PPP2R2C: variants seen among roughly 807,000 people sequenced by gnomAD.
The protein encoded by PPP2R2C is protein phosphatase 2 regulatory subunit Bgamma, also known as protein phosphatase 2, regulatory subunit B, gamma.
PPP2R2C carries 10 observed loss-of-function variants against 45.3 expected under a neutral mutation model. The ratio of observed to expected loss-of-function variants is 0.22; its 90% CI spans 0.14 to 0.37. The LOEUF (loss-of-function observed/expected upper bound fraction) is 0.37, where lower values mean the gene tolerates loss of function less well. PPP2R2C is among the 10% of genes least tolerant of loss of function. The probability of loss-of-function intolerance (pLI) is 1.00; values close to 1 mark genes in which losing one functional copy is unlikely to be tolerated. For synonymous variants in PPP2R2C, 257 were observed against 245.4 expected, an observed-to-expected ratio of 1.05 and a Z score of -0.44; for missense variants, 308 against 619.7, an observed-to-expected ratio of 0.50 and a Z score of 5.34.
Position 6,472,434 on chromosome 4 carries a change from G to C in PPP2R2C, c.-205C>G, listed in dbSNP as rs1721957738. ...GCGGTCAAGCGAGCGCGCGGTGGGCGGGCGGCGGCCGCGGGTTCGGGCGGG... is the reference window on the plus strand; with the variant it reads ...GCGGTCAAGCGAGCGCGCGGTGGGCCGGCGGCGGCCGCGGGTTCGGGCGGG... On this transcript the variant is annotated 5_prime_UTR_variant, in exon 1 of 9. Coordinates refer to ENST00000382599, the MANE Select transcript of PPP2R2C (RefSeq NM_020416.4). 2 of 582,656 alleles carry C rather than the reference G, an allele frequency of 3.4e-6. No individual in the cohort carries two copies. Among genetic ancestry groups the C allele is most frequent in the East Asian group, 2.9e-4 (2 of 6,918 alleles). 36.1% of individuals were successfully genotyped at this position (582,656 alleles called of 1,614,324 possible). A position where few individuals can be genotyped will look rare whatever the true frequency, so the allele number is the denominator to read the frequency against.
chr4:6,390,589 A>C (rs766728562), intron 1 of PPP2R2C, among the ~76,000 whole-genome samples: 4 of 152,232 alleles, frequency 2.6e-5, no homozygotes, highest in Non-Finnish European at 5.9e-5. Flanking sequence ...GGGCGGAGTC[A>C]GACTGTTGCC....
At chr4:6,386,453 C>G (rs1355752203) in intron 1 of PPP2R2C, among the ~76,000 whole-genome samples, 1 of 152,118 alleles carries the variant, frequency 6.6e-6, no homozygotes, top group Non-Finnish European at 1.5e-5. Flanking sequence ...TGACCCCAAA[C>G]CACACACACA....
chr4:6,532,959 T>C (rs1165104312), intron 2 of PPP2R2C, among the ~76,000 whole-genome samples: 10 of 152,048 alleles, frequency 6.6e-5, no homozygotes, highest in African/African-American at 9.7e-5. Flanking sequence ...ACACAGGGGG[T>C]ACTGCACTTC....
intron 1 of PPP2R2C, among the ~76,000 whole-genome samples, chr4:6,439,610 A>G (rs541292465): frequency 6.6e-6 from 1 of 152,256 alleles, no homozygotes; most frequent in South Asian, 2.1e-4. Flanking sequence ...CGTCTCCTAG[A>G]AAGTCTGCTC....
intron 1 of PPP2R2C, among the ~76,000 whole-genome samples, chr4:6,392,249 AT>A (rs1716698893): frequency 6.6e-6 from 1 of 152,218 alleles, no homozygotes; most frequent in South Asian, 2.1e-4. Context: ...ATTAAAAAGC[AT>A]TAACTGAGCA....
intron 2 of PPP2R2C, among the ~76,000 whole-genome samples, chr4:6,511,378 ATGG>A (rs1212783532): frequency 7.3e-6 from 1 of 136,130 alleles, no homozygotes; most frequent in Non-Finnish European, 1.6e-5. Flanking sequence ...GGTGGCGGTG[ATGG>A]TGGTGATGGT....
intron 1 of PPP2R2C, among the ~76,000 whole-genome samples, chr4:6,466,397 A>G (rs1427372318): frequency 6.6e-6 from 1 of 152,252 alleles, no homozygotes; most frequent in African/African-American, 2.4e-5. Flanking sequence ...CTAGATGACC[A>G]CACAGGTTGC....
chr4:6,388,018 G>C (rs1457066382), intron 1 of PPP2R2C, among the ~76,000 whole-genome samples: 1 of 152,160 alleles, frequency 6.6e-6, no homozygotes, highest in Non-Finnish European at 1.5e-5. Flanking sequence ...CACACTGCAG[G>C]GCCTGGAGCT....
At chr4:6,552,573 C>T (rs1725218260) in intron 1 of PPP2R2C, among the ~76,000 whole-genome samples, 1 of 151,994 alleles carries the variant, frequency 6.6e-6, no homozygotes, top group African/African-American at 2.4e-5. Context: ...GTCATCCCAT[C>T]TCCTTCTCTG....
intron 1 of PPP2R2C, among the ~76,000 whole-genome samples, chr4:6,434,376 GGA>G (rs1560544881): frequency 1.5e-5 from 2 of 129,902 alleles, no homozygotes; most frequent in African/African-American, 2.8e-5. Flanking sequence ...TTTTTTTTTT[GGA>G]GACAGAGTCT....
chr4:6,418,409 G>A (rs905732534), intron 1 of PPP2R2C, among the ~76,000 whole-genome samples: 1 of 152,324 alleles, frequency 6.6e-6, no homozygotes, highest in Non-Finnish European at 1.5e-5. Context: ...CTGCTGCCAC[G>A]CAGCAAAGCC....
At chr4:6,392,928 G>A (rs989440346) in intron 1 of PPP2R2C, among the ~76,000 whole-genome samples, 4 of 152,192 alleles carry the variant, frequency 2.6e-5, no homozygotes, top group Admixed American at 2.0e-4. Context: ...ATGAAAGGAA[G>A]CTCTCCATCC....
At chr4:6,391,503 T>C (rs541090039) in intron 1 of PPP2R2C, among the ~76,000 whole-genome samples, 2 of 152,184 alleles carry the variant, frequency 1.3e-5, no homozygotes, top group South Asian at 2.1e-4. Context: ...CACACCGTAA[T>C]AGCAGAGCCG....
At chr4:6,335,277 G>T (rs570196929) in intron 6 of PPP2R2C, among the ~76,000 whole-genome samples, 34 of 152,228 alleles carry the variant, frequency 2.2e-4, no homozygotes, top group Non-Finnish European at 4.6e-4. Context: ...CCAGCAGGCA[G>T]ATAGGTGCTG....
At chr4:6,417,550 T>C (rs1718673193) in intron 1 of PPP2R2C, among the ~76,000 whole-genome samples, 1 of 152,226 alleles carries the variant, frequency 6.6e-6, no homozygotes, top group South Asian at 2.1e-4. Context: ...ACGGGGCATG[T>C]TTCCATGCCC....
chr4:6,375,582 C>T (rs4689424), intron 4 of PPP2R2C, among the ~76,000 whole-genome samples: 103,349 of 152,134 alleles, frequency 0.68, 36,459 homozygotes, highest in East Asian at 0.99. Context: ...AAGCACTTTA[C>T]AGCCATACAC....
At position 6,472,429 on chromosome 4, in the gene PPP2R2C, TGGGC is replaced by T; in HGVS notation, c.-204_-201del. ...GCGCCGCGGTCAAGCGAGCGCGCGG[TGGGC>T]GGGCGGCGGCCGCGGGTTCGGGCGG... On this transcript the variant is annotated 5_prime_UTR_variant, in exon 1 of 9. An upstream open reading frame in the 5' UTR loses its in-frame stop. Coordinates refer to ENST00000382599, the MANE Select transcript of PPP2R2C (RefSeq NM_020416.4). 1 of 485,728 alleles carries T rather than the reference TGGGC, an allele frequency of 2.1e-6. No individual in the cohort carries two copies. Among genetic ancestry groups the T allele is most frequent in the Non-Finnish European group, 2.6e-6 (1 of 378,938 alleles). 30.1% of individuals were successfully genotyped at this position (485,728 alleles called of 1,614,324 possible).
At chr4:6,475,394 C>T (rs1239341972), upstream of PPP2R2C, among the ~76,000 whole-genome samples, 1 of 152,172 alleles carries the variant, frequency 6.6e-6, no homozygotes, top group Admixed American at 6.5e-5. Flanking sequence ...ATCCTCACTC[C>T]GTGTCCCTTC....
chr4:6,377,521 T>A (rs1462357005), intron 3 of PPP2R2C, among the ~76,000 whole-genome samples: 4 of 152,012 alleles, frequency 2.6e-5, no homozygotes, highest in African/African-American at 9.7e-5. Flanking sequence ...TAGCTGGGCA[T>A]GGTGTTGGAC....
Sources: gnomAD v4.1 joint callset for allele counts (sites outside exome capture counted in the v4.1 genomes callset) on GRCh38, gnomAD v4.1.1 for gene constraint, MANE v1.5 for transcripts, NCBI Gene and HGNC (gene_info 2026-07-23, HGNC 2026-07-21) for gene names.